Variants in TMTC1 observed in about 807,000 individuals in gnomAD.
The protein encoded by TMTC1 is transmembrane O-mannosyltransferase targeting cadherins 1.
A neutral mutation model predicts 104.8 loss-of-function variants in TMTC1; 73 were observed. That is an observed-to-expected ratio of 0.70 (90% CI 0.58 to 0.85). The LOEUF (loss-of-function observed/expected upper bound fraction) is 0.85, where lower values mean the gene tolerates loss of function less well. Among genes scored for constraint, TMTC1 ranks in the 40% least tolerant of loss-of-function variants. The pLI, the probability that TMTC1 is intolerant of heterozygous loss-of-function variation, is 0.00. For missense variants in TMTC1, 1,035 were observed against 1,096.1 expected, an observed-to-expected ratio of 0.94 and a Z score of 0.79; for synonymous variants, 434 against 428.7, an observed-to-expected ratio of 1.01 and a Z score of -0.15.
chr12:29,712,003 T>A (rs190710785), intron 5 of TMTC1, among the ~76,000 whole-genome samples: 2 of 60,124 alleles, frequency 3.3e-5, no homozygotes, highest in Non-Finnish European at 2.8e-5. Flanking sequence ...CAAGACTCCA[T>A]CTCAAAAAAA....
intron 6 of TMTC1, among the ~76,000 whole-genome samples, chr12:29,623,393 C>T (rs1451755519): frequency 6.6e-6 from 1 of 152,188 alleles, no homozygotes; most frequent in African/African-American, 2.4e-5. Flanking sequence ...ATGCTCCCAC[C>T]TCCACCTATC....
At chr12:29,600,761 T>C (rs1372515050) in intron 7 of TMTC1, among the ~76,000 whole-genome samples, 1 of 152,144 alleles carries the variant, frequency 6.6e-6, no homozygotes, top group Non-Finnish European at 1.5e-5. Context: ...TCTGCTCCGG[T>C]GGCTCTGGCA....
At chr12:29,544,279 A>C (rs775538666) in intron 10 of TMTC1, among the ~76,000 whole-genome samples, 10 of 151,314 alleles carry the variant, frequency 6.6e-5, no homozygotes, top group Non-Finnish European at 1.5e-4. Context: ...AGTCAAACTC[A>C]TTAGACAGAG....
intron 11 of TMTC1, among the ~76,000 whole-genome samples, chr12:29,523,089 C>T (rs573307134): frequency 6.6e-6 from 1 of 152,208 alleles, no homozygotes; most frequent in Non-Finnish European, 1.5e-5. Flanking sequence ...CTGGCATAAA[C>T]AGTTACACTT....
intron 5 of TMTC1, among the ~76,000 whole-genome samples, chr12:29,636,394 T>A (rs961837482): frequency 3.9e-4 from 59 of 152,366 alleles, no homozygotes; most frequent in African/African-American, 1.3e-3. Flanking sequence ...ATTTTGAGTT[T>A]ACGTTTTGGC....
chr12:29,591,006 A>C (rs189406514), intron 7 of TMTC1, among the ~76,000 whole-genome samples: 58 of 152,310 alleles, frequency 3.8e-4, no homozygotes, highest in Admixed American at 1.8e-3. Context: ...AATGAAGGAG[A>C]ACACATTCCT....
At chr12:29,526,447 A>ATAT (rs1944347060) in intron 11 of TMTC1, among the ~76,000 whole-genome samples, 1 of 152,098 alleles carries the variant, frequency 6.6e-6, no homozygotes, top group Non-Finnish European at 1.5e-5. Flanking sequence ...GTATACTTAA[A>ATAT]ACATTTTAGT....
intron 5 of TMTC1, among the ~76,000 whole-genome samples, chr12:29,643,798 C>CATATATTTAT (rs1939077193): frequency 3.9e-4 from 13 of 33,434 alleles, no homozygotes; most frequent in South Asian, 1.1e-3. Flanking sequence ...TATTTATATA[C>CATATATTTAT]ATATTTATAT....
chr12:29,672,438 G>A (rs1940553677), intron 5 of TMTC1, among the ~76,000 whole-genome samples: 1 of 152,160 alleles, frequency 6.6e-6, no homozygotes, highest in East Asian at 1.9e-4. Context: ...TTGCATCCAT[G>A]TAGAATGCAG....
intron 8 of TMTC1, among the ~76,000 whole-genome samples, chr12:29,578,729 A>T (rs1945893362): frequency 6.6e-6 from 1 of 152,210 alleles, no homozygotes; most frequent in African/African-American, 2.4e-5. Flanking sequence ...TGTTGGCATC[A>T]TTGGACAATA....
At chr12:29,691,802 T>C (rs930051307) in intron 5 of TMTC1, among the ~76,000 whole-genome samples, 2 of 140,418 alleles carry the variant, frequency 1.4e-5, no homozygotes, top group Admixed American at 1.5e-4. Context: ...GCTGTACAAA[T>C]AGAACTGTGT....
chr12:29,646,743 C>A (rs1939284203), intron 5 of TMTC1, among the ~76,000 whole-genome samples: 2 of 152,110 alleles, frequency 1.3e-5, no homozygotes, highest in South Asian at 2.1e-4. Context: ...TATTATAATA[C>A]AAAGACATAA....
At position 29,514,560 on chromosome 12, in the gene TMTC1, G is replaced by C; in HGVS notation, c.2352C>G (p.Asp784Glu). 6.2e-7 allele frequency: 1 copy of C among 1,614,012 alleles called. No homozygotes were observed. Among genetic ancestry groups the C allele is most frequent in the Non-Finnish European group, 8.5e-7 (1 of 1,179,972 alleles). The stretch of plus-strand genomic sequence containing the variant: ...AAAAAAGTTCAGAAATGACTTTTGG[G>C]TCCTTTGGTTTCAGCTGGAGAGCCT... Reference protein sequence around the residue: ...IDKALQLKPKDPKVISELFFT... With the variant: ...IDKALQLKPKEPKVISELFFT... Residue 784 changes from aspartate to glutamate, a missense_variant, in exon 16 of 18, where the codon GAC (aspartate) becomes GAG (glutamate). Coordinates refer to ENST00000539277, the MANE Select transcript of TMTC1 (RefSeq NM_001193451.2).
intron 8 of TMTC1, among the ~76,000 whole-genome samples, chr12:29,578,053 C>A (rs758569298): frequency 1.3e-5 from 2 of 151,886 alleles, no homozygotes; most frequent in Non-Finnish European, 2.9e-5. Flanking sequence ...GAAATTGATC[C>A]TTTTCTCTGT....
In TMTC1 at chr12:29,578,672, T is replaced by C. The variant is rs547158809; in HGVS notation, c.1418+4735A>G. Among the ~76,000 whole-genome samples the C allele has an allele frequency of 7.2e-5, 11 of 152,302 alleles. No individual in the cohort carries two copies. The South Asian group carries it at 2.1e-3, about 29-fold the overall frequency. ...AAGACTTGATAAATAACAAAAAAGC[T>C]ACTTTAATCAGGTGTATCTCCAAGG... On this transcript the variant is annotated intron_variant, in intron 8 of 17. Coordinates refer to ENST00000539277, the MANE Select transcript of TMTC1 (RefSeq NM_001193451.2).
intron 12 of TMTC1, chr12:29,519,919 T>C (rs1944100837): frequency 4.6e-5 from 7 of 152,248 alleles, no homozygotes; most frequent in Admixed American, 2.0e-4. Context: ...GCATTTCATA[T>C]TGAAAAACTA....
At chr12:29,533,616 G>A (rs1565651681) in intron 11 of TMTC1, 1 of 152,144 alleles carries the variant, frequency 6.6e-6, no homozygotes, top group Non-Finnish European at 1.5e-5. Context: ...AGGTCAACCT[G>A]GAAAGAAGGT....
chr12:29,714,374 A>T (rs302374), intron 5 of TMTC1, among the ~76,000 whole-genome samples: 116,751 of 152,108 alleles, frequency 0.77, 45,026 homozygotes, highest in Middle Eastern at 0.83. Context: ...AGACATATAC[A>T]CAGGTGTTGG....
chr12:29,718,709 G>A (rs10771573), intron 5 of TMTC1, among the ~76,000 whole-genome samples: 66,346 of 151,714 alleles, frequency 0.44, 14,719 homozygotes, highest in South Asian at 0.61. Flanking sequence ...TGAGGTGGGT[G>A]GATCATGAGG....
Sources: allele counts gnomAD v4.1 joint callset (sites outside exome capture counted in the v4.1 genomes callset), GRCh38; gene constraint gnomAD v4.1.1; transcripts MANE v1.5; gene names NCBI Gene and HGNC (gene_info 2026-07-23, HGNC 2026-07-21).